XYLT1: variants seen among roughly 807,000 people sequenced by gnomAD.
XYLT1 encodes the protein xylosyltransferase 1.
Under a neutral mutation model 91.3 loss-of-function variants are expected in XYLT1, and 36 were observed. That is an observed-to-expected ratio of 0.39 (90% CI 0.30 to 0.52). XYLT1 has a LOEUF of 0.52. Among genes scored for constraint, XYLT1 ranks in the 20% least tolerant of loss-of-function variants. The pLI, the probability that XYLT1 is intolerant of heterozygous loss-of-function variation, is 0.68. For missense variants in XYLT1, 1,242 were observed against 1,284.5 expected (o/e 0.97, Z 0.51); for synonymous variants, 588 against 532.0 (o/e 1.11, Z -1.45).
intron 1 of XYLT1, among the ~76,000 whole-genome samples, chr16:17,424,191 C>T (rs1212052435): frequency 6.6e-6 from 1 of 152,198 alleles, no homozygotes; most frequent in Non-Finnish European, 1.5e-5. Context: ...AGATCTGTGT[C>T]CCAATCCAGA....
At chr16:17,314,110 T>G (rs889377829) in intron 2 of XYLT1, among the ~76,000 whole-genome samples, 6 of 152,182 alleles carry the variant, frequency 3.9e-5, no homozygotes, top group African/African-American at 1.4e-4. Context: ...GACTCACTAG[T>G]TACTAGCTTT....
chr16:17,357,960 G>A, intron 2 of XYLT1, 52 bp downstream of exon 2: 1 of 1,595,796 alleles, frequency 6.3e-7, no homozygotes, highest in South Asian at 1.1e-5. Context: ...GTCCCCTTGA[G>A]AGCTGGAATA....
At chr16:17,176,731 G>T (rs558943873) in intron 5 of XYLT1, among the ~76,000 whole-genome samples, 1 of 152,112 alleles carries the variant, frequency 6.6e-6, no homozygotes, top group African/African-American at 2.4e-5. Context: ...GAGGCATTTA[G>T]CCTGGTGGAA....
intron 1 of XYLT1, among the ~76,000 whole-genome samples, chr16:17,397,145 A>T (rs2035896916): frequency 6.6e-6 from 1 of 152,182 alleles, no homozygotes; most frequent in Admixed American, 6.5e-5. Context: ...GAGGGATGTG[A>T]TCAGGGAAGG....
chr16:17,319,944 A>G lies in XYLT1; in HGVS notation c.402+38068T>C, dbSNP rs1408807185. On this transcript the variant is annotated intron_variant, in intron 2 of 11. Coordinates refer to ENST00000261381, the MANE Select transcript of XYLT1 (RefSeq NM_022166.4). ...CCCACTGGAATTCCTGGAGTCTTCA[A>G]CCATGCTAAGCGCCAGGCAGTTCGC... Among the ~76,000 whole-genome samples the G allele has an allele frequency of 3.9e-5, 6 of 152,252 alleles. 1 individual carries two copies. The South Asian group carries it at 1.0e-3, about 26-fold the overall frequency.
chr16:17,436,789 T>G (rs2036464578), intron 1 of XYLT1, among the ~76,000 whole-genome samples: 1 of 152,210 alleles, frequency 6.6e-6, no homozygotes, highest in Non-Finnish European at 1.5e-5. Context: ...TGCTTTCCTT[T>G]TTATTAAACT....
At position 17,470,871 on chromosome 16, in the gene XYLT1, CCCGCGGCCGCCGGCTG is replaced by C; in HGVS notation, c.-91_-76del. 1 of 979,688 alleles carries C rather than the reference CCCGCGGCCGCCGGCTG, an allele frequency of 1.0e-6. No homozygotes were observed. Among genetic ancestry groups the C allele is most frequent in the Non-Finnish European group, 1.2e-6 (1 of 826,858 alleles). 60.7% of individuals were successfully genotyped at this position (979,688 alleles called of 1,614,324 possible). A position where few individuals can be genotyped will look rare whatever the true frequency, so the allele number is the denominator to read the frequency against. ...GGCCGCCCCCGCGCTCCCCGCAGCTCCCGCGGCCGCCGGCTGCCGCTCGGGCTCCCGCTCGGGCCGC... is the reference window on the plus strand; with the variant it reads ...GGCCGCCCCCGCGCTCCCCGCAGCTCCCGCTCGGGCTCCCGCTCGGGCCGC... On this transcript the variant is annotated 5_prime_UTR_variant, in exon 1 of 12. Transcript: ENST00000261381.
chr16:17,149,100 G>A (rs558281853), intron 6 of XYLT1, among the ~76,000 whole-genome samples: 1 of 152,342 alleles, frequency 6.6e-6, no homozygotes, highest in East Asian at 1.9e-4. Flanking sequence ...AAATCAGACA[G>A]AGGGTGGGAA....
At chr16:17,416,555 G>A (rs1436312583) in intron 1 of XYLT1, among the ~76,000 whole-genome samples, 1 of 152,200 alleles carries the variant, frequency 6.6e-6, no homozygotes, top group Non-Finnish European at 1.5e-5. Flanking sequence ...CAATCAGCCT[G>A]TGCAGCTAGG....
In XYLT1 at chr16:17,222,733, C is replaced by T. The variant is rs138616186; in HGVS notation, c.914-22079G>A. Among the ~76,000 whole-genome samples the T allele has an allele frequency of 1.3e-3, 194 of 143,848 alleles. 2 individuals are homozygous for T. The East Asian group carries it at 0.022, about 16-fold the overall frequency. 94.4% of individuals were successfully genotyped at this position (143,848 alleles called of 152,430 possible). On this transcript the variant is annotated intron_variant, in intron 3 of 11. Coordinates refer to ENST00000261381, the MANE Select transcript of XYLT1 (RefSeq NM_022166.4). The stretch of plus-strand genomic sequence containing the variant: ...TGAACCCGGGAGGCAGAGATTGCAG[C>T]GAGCCGGGATCGTGCCACAGCACTC...
chr16:17,177,647 G>A (rs577310298), intron 5 of XYLT1, among the ~76,000 whole-genome samples: 3 of 152,174 alleles, frequency 2.0e-5, no homozygotes, highest in East Asian at 1.9e-4. Flanking sequence ...TGTATTTTGC[G>A]GACACCACCT....
chr16:17,347,656 C>G (rs140720202), intron 2 of XYLT1, among the ~76,000 whole-genome samples: 1 of 152,220 alleles, frequency 6.6e-6, no homozygotes, highest in African/African-American at 2.4e-5. Context: ...CTGGAAGACC[C>G]TCTCCTTTAA....
chr16:17,345,425 T>A (rs540091305), intron 2 of XYLT1, among the ~76,000 whole-genome samples: 7 of 152,310 alleles, frequency 4.6e-5, no homozygotes. Context: ...GCCCTCTCTG[T>A]GGCACAGGGA....
chr16:17,293,642 C>A (rs2034265117), intron 2 of XYLT1, among the ~76,000 whole-genome samples: 1 of 152,024 alleles, frequency 6.6e-6, no homozygotes, highest in South Asian at 2.1e-4. Context: ...CACCCATCAC[C>A]ACACCCAGCT....
chr16:17,299,126 C>T (rs2034357630), intron 2 of XYLT1, among the ~76,000 whole-genome samples: 2 of 152,272 alleles, frequency 1.3e-5, no homozygotes, highest in South Asian at 4.1e-4. Context: ...TGGCACATGA[C>T]AGGCATTGGG....
intron 1 of XYLT1, among the ~76,000 whole-genome samples, chr16:17,427,838 T>C (rs2036338342): frequency 6.6e-6 from 1 of 152,154 alleles, no homozygotes; most frequent in Admixed American, 6.5e-5. Context: ...TTTTTTTTTT[T>C]TTAAAACGTT....
chr16:17,353,155 C>T (rs1008472675), intron 2 of XYLT1, among the ~76,000 whole-genome samples: 1 of 152,180 alleles, frequency 6.6e-6, no homozygotes, highest in Non-Finnish European at 1.5e-5. Context: ...CCTCCTGATG[C>T]CTTTGATCTC....
intron 3 of XYLT1, among the ~76,000 whole-genome samples, chr16:17,252,907 G>T (rs2033563877): frequency 6.6e-6 from 1 of 152,202 alleles, no homozygotes; most frequent in Non-Finnish European, 1.5e-5. Context: ...AAAGCAAAAT[G>T]AGAAACACAG....
At chr16:17,160,574 A>G (rs547405343) in intron 5 of XYLT1, among the ~76,000 whole-genome samples, 1 of 152,346 alleles carries the variant, frequency 6.6e-6, no homozygotes, top group South Asian at 2.1e-4. Flanking sequence ...TAGCAGCGGC[A>G]GGCACCAGAA....
Sources: gnomAD v4.1 joint callset for allele counts (sites outside exome capture counted in the v4.1 genomes callset) on GRCh38, gnomAD v4.1.1 for gene constraint, MANE v1.5 for transcripts, NCBI Gene and HGNC (gene_info 2026-07-23, HGNC 2026-07-21) for gene names.